SLC16A7: variants seen among roughly 807,000 people sequenced by gnomAD.
The protein encoded by SLC16A7 is solute carrier family 16 member 7.
In SLC16A7, 33 loss-of-function variants were observed where a neutral mutation model predicts 34.9. The observed-to-expected ratio is 0.94, with a 90% CI of 0.72 to 1.26. The LOEUF is 1.26. SLC16A7 is among the 50% of genes most tolerant of loss of function. The probability of loss-of-function intolerance (pLI) is 0.00; values close to 1 mark genes in which losing one functional copy is unlikely to be tolerated. For missense variants in SLC16A7, 573 were observed against 578.1 expected (o/e 0.99, Z 0.09); for synonymous variants, 201 against 206.6 (o/e 0.97, Z 0.23).
chr12:59,621,626 G>T (rs1206226274), intron 1 of SLC16A7, among the ~76,000 whole-genome samples: 2 of 151,768 alleles, frequency 1.3e-5, no homozygotes, highest in African/African-American at 4.8e-5. Flanking sequence ...AGATTATGTG[G>T]TATGAACATA....
At chr12:59,751,619 G>A (rs1242274574) in intron 3 of SLC16A7, among the ~76,000 whole-genome samples, 3 of 152,214 alleles carry the variant, frequency 2.0e-5, no homozygotes, top group African/African-American at 7.2e-5. Flanking sequence ...ACTGGGTGGA[G>A]CCCACCACAG....
intron 3 of SLC16A7, among the ~76,000 whole-genome samples, chr12:59,714,917 T>C (rs1874723237): frequency 6.6e-6 from 1 of 152,164 alleles, no homozygotes; most frequent in Non-Finnish European, 1.5e-5. Context: ...CCCAACTTAA[T>C]ATTTCTTATG....
Position 59,650,107 on chromosome 12 carries a change from A to T in SLC16A7, c.-129-5045A>T, listed in dbSNP as rs1398088986. On this transcript the variant is annotated intron_variant, in intron 1 of 5. Transcript: ENST00000547379. ...TTTTTTTTTGCTTATTAGAACAGAT[A>T]CCCCCTTGATGATATTAATTTCCAT... Among the ~76,000 whole-genome samples the T allele has an allele frequency of 7.2e-5, 11 of 151,902 alleles. No individual in the cohort carries two copies. In the East Asian group the frequency reaches 2.1e-3, roughly 29 times the overall value.
chr12:59,735,483 G>A (rs1320636899), intron 3 of SLC16A7, among the ~76,000 whole-genome samples: 1 of 152,122 alleles, frequency 6.6e-6, no homozygotes, highest in Non-Finnish European at 1.5e-5. Context: ...GTAGTAAGCT[G>A]CTTTACATCA....
intron 3 of SLC16A7, among the ~76,000 whole-genome samples, chr12:59,706,269 A>G (rs1452215218): frequency 1.3e-5 from 2 of 152,102 alleles, no homozygotes; most frequent in African/African-American, 4.8e-5. Context: ...CACCTCCACC[A>G]ATGTCATTTG....
At chr12:59,733,768 C>T (rs971231367) in intron 3 of SLC16A7, 7 of 455,892 alleles carry the variant, frequency 1.5e-5, no homozygotes, top group African/African-American at 6.0e-5. Flanking sequence ...CATGGACAAC[C>T]GGAGAGCGAG....
chr12:59,758,581 C>T (rs1377059070), intron 3 of SLC16A7, among the ~76,000 whole-genome samples: 1 of 151,266 alleles, frequency 6.6e-6, no homozygotes, highest in African/African-American at 2.4e-5. Flanking sequence ...CAGGGAGAAA[C>T]AAAAAAAGAG....
chr12:59,605,104 G>C (rs1191244310), intron 1 of SLC16A7, among the ~76,000 whole-genome samples: 1 of 152,162 alleles, frequency 6.6e-6, no homozygotes, highest in East Asian at 1.9e-4. Context: ...TCCCACCTCA[G>C]CCTCCCAAAG....
chr12:59,657,871 T>C (rs1868617776), intron 2 of SLC16A7, among the ~76,000 whole-genome samples: 2 of 151,970 alleles, frequency 1.3e-5, no homozygotes, highest in Non-Finnish European at 2.9e-5. Context: ...AAGACATATT[T>C]ACTCTTTCTA....
At chr12:59,658,414 A>G (rs1486104609) in intron 2 of SLC16A7, among the ~76,000 whole-genome samples, 1 of 152,080 alleles carries the variant, frequency 6.6e-6, no homozygotes, top group Admixed American at 6.6e-5. Flanking sequence ...CATGGAACCT[A>G]CAAAGGATAT....
intron 2 of SLC16A7, among the ~76,000 whole-genome samples, chr12:59,677,493 A>G (rs1870404504): frequency 6.6e-6 from 1 of 152,180 alleles, no homozygotes; most frequent in South Asian, 2.1e-4. Flanking sequence ...CAGGTCAAAT[A>G]TCTGTCTCAT....
At chr12:59,721,159 A>G (rs566707915) in intron 3 of SLC16A7, among the ~76,000 whole-genome samples, 1 of 152,138 alleles carries the variant, frequency 6.6e-6, no homozygotes, top group East Asian at 1.9e-4. Context: ...TCGCTATATG[A>G]GATGATTATT....
chr12:59,764,794 C>T (rs1342787006), intron 3 of SLC16A7, among the ~76,000 whole-genome samples: 3 of 151,982 alleles, frequency 2.0e-5, no homozygotes, highest in Non-Finnish European at 2.9e-5. Flanking sequence ...AATAAACATA[C>T]GTGTGCATGT....
At chr12:59,702,662 A>C (rs1592530386) in intron 2 of SLC16A7, among the ~76,000 whole-genome samples, 1 of 152,106 alleles carries the variant, frequency 6.6e-6, no homozygotes, top group South Asian at 2.1e-4. Context: ...TCTAACATAC[A>C]AATGTGTACC....
At chr12:59,598,415 T>C (rs148817274) in intron 1 of SLC16A7, among the ~76,000 whole-genome samples, 62 of 152,350 alleles carry the variant, frequency 4.1e-4, no homozygotes, top group Non-Finnish European at 8.2e-4. Flanking sequence ...GAGGCTGTAA[T>C]TCTGCTTTCA....
chr12:59,718,143 A>C (rs965097182), intron 3 of SLC16A7, among the ~76,000 whole-genome samples: 4 of 152,218 alleles, frequency 2.6e-5, no homozygotes, highest in African/African-American at 9.6e-5. Context: ...TACTAGTTAT[A>C]GCTTCAATGG....
intron 2 of SLC16A7, among the ~76,000 whole-genome samples, chr12:59,700,830 A>C (rs1872788208): frequency 6.6e-6 from 1 of 151,714 alleles, no homozygotes; most frequent in Non-Finnish European, 1.5e-5. Flanking sequence ...TTTTTAGAGA[A>C]ACTCTGGAGG....
intron 1 of SLC16A7, among the ~76,000 whole-genome samples, chr12:59,615,928 C>T (rs1274812099): frequency 2.6e-5 from 4 of 152,228 alleles, no homozygotes; most frequent in African/African-American, 9.6e-5. Context: ...TCACTTGACT[C>T]TGTTGGATCT....
intron 3 of SLC16A7, among the ~76,000 whole-genome samples, chr12:59,724,507 C>T (rs1008171293): frequency 6.6e-6 from 1 of 151,906 alleles, no homozygotes; most frequent in African/African-American, 2.4e-5. Context: ...TAAGTAAATA[C>T]ATGTTGCAAA....
Sources: gnomAD v4.1 joint callset for allele counts (sites outside exome capture counted in the v4.1 genomes callset) on GRCh38, gnomAD v4.1.1 for gene constraint, MANE v1.5 for transcripts, NCBI Gene and HGNC (gene_info 2026-07-23, HGNC 2026-07-21) for gene names.